ATF6: variants seen among roughly 807,000 people sequenced by gnomAD.
ATF6 encodes the protein cyclic AMP-dependent transcription factor ATF-6 alpha.
ATF6 carries 53 observed loss-of-function variants against 83.6 expected under a neutral mutation model. The ratio of observed to expected loss-of-function variants is 0.63; its 90% CI spans 0.51 to 0.80. The LOEUF (loss-of-function observed/expected upper bound fraction) is 0.80. Ranked by LOEUF, ATF6 falls within the 30% of genes least tolerant of loss-of-function variation. The probability of loss-of-function intolerance (pLI) is 0.00; values close to 1 mark genes in which losing one functional copy is unlikely to be tolerated. For missense variants in ATF6, 744 were observed against 797.9 expected, an observed-to-expected ratio of 0.93 and a Z score of 0.81; for synonymous variants, 288 against 285.8, an observed-to-expected ratio of 1.01 and a Z score of -0.08.
At chr1:161,775,259 T>A (rs144231479) in intron 1 of ATF6, among the ~76,000 whole-genome samples, 2 of 152,338 alleles carry the variant, frequency 1.3e-5, no homozygotes, top group Admixed American at 6.5e-5. Context: ...TTCACCACTG[T>A]AAAGCCACTG....
Position 161,832,946 on chromosome 1 carries a change from C to T in ATF6, c.1187+11785C>T, listed in dbSNP as rs540214628. On this transcript the variant is annotated intron_variant, in intron 9 of 15. Transcript: ENST00000367942. ...ATGCAGCTTGAGATCTGAGAACGGG[C>T]AGGCTGCCTCCTCAAGTGGGTCCCT... Among the ~76,000 whole-genome samples, 21 of 152,344 alleles carry T rather than the reference C, an allele frequency of 1.4e-4. 1 individual carries two copies. In the East Asian group the frequency reaches 4.1e-3, roughly 29 times the overall value.
intron 6 of ATF6, 129 bp from the exon 7 acceptor site, chr1:161,801,923 A>G: frequency 1.3e-6 from 1 of 758,858 alleles, no homozygotes; most frequent in Non-Finnish European, 2.2e-6. Context: ...CCAATGTTTT[A>G]ATTGATGGTG....
intron 14 of ATF6, among the ~76,000 whole-genome samples, chr1:161,887,724 G>A (rs1261902112): frequency 6.6e-6 from 1 of 152,102 alleles, no homozygotes; most frequent in African/African-American, 2.4e-5. Context: ...CCCCAGAATC[G>A]CTTCTTCACA....
At chr1:161,884,629 C>T (rs367975239) in intron 14 of ATF6, among the ~76,000 whole-genome samples, 17 of 152,130 alleles carry the variant, frequency 1.1e-4, no homozygotes, top group African/African-American at 3.9e-4. Flanking sequence ...ATAGCCATTA[C>T]GTTCCTGGCT....
At chr1:161,768,533 T>A (rs1684319164) in intron 1 of ATF6, among the ~76,000 whole-genome samples, 1 of 152,184 alleles carries the variant, frequency 6.6e-6, no homozygotes, top group South Asian at 2.1e-4. Flanking sequence ...GATGTTCAAG[T>A]ACTTCACTGA....
chr1:161,813,946 G>A (rs1438235965), intron 7 of ATF6, among the ~76,000 whole-genome samples: 3 of 150,650 alleles, frequency 2.0e-5, no homozygotes, highest in Admixed American at 6.6e-5. Context: ...GTGCAATGGT[G>A]TGATCTCGGC....
chr1:161,915,890 T>C (rs990178529), intron 15 of ATF6, among the ~76,000 whole-genome samples: 3 of 152,180 alleles, frequency 2.0e-5, no homozygotes, highest in African/African-American at 7.2e-5. Context: ...CCCAAAGTGC[T>C]AGGATTACAG....
At chr1:161,902,996 C>G (rs570780924) in intron 14 of ATF6, among the ~76,000 whole-genome samples, 2 of 152,200 alleles carry the variant, frequency 1.3e-5, no homozygotes, top group South Asian at 4.1e-4. Flanking sequence ...TCTTTATCTA[C>G]CTCTTTTCAT....
intron 14 of ATF6, among the ~76,000 whole-genome samples, chr1:161,894,687 C>A (rs1009304620): frequency 6.7e-6 from 1 of 148,196 alleles, no homozygotes; most frequent in Non-Finnish European, 1.5e-5. Flanking sequence ...AGGCGCCCAC[C>A]ACTAAGCCGG....
intron 14 of ATF6, among the ~76,000 whole-genome samples, chr1:161,894,227 G>GTTT (rs11304307): frequency 6.5e-5 from 8 of 124,020 alleles, no homozygotes; most frequent in East Asian, 2.1e-4. Flanking sequence ...TTGAGCAGGT[G>GTTT]TTTTTTTTTT....
chr1:161,837,438 A>G (rs750950111), intron 9 of ATF6, among the ~76,000 whole-genome samples: 1 of 152,220 alleles, frequency 6.6e-6, no homozygotes, highest in Non-Finnish European at 1.5e-5. Context: ...TGTTCTGAAC[A>G]TAAATTGGCC....
At chr1:161,848,161 C>T (rs190499440) in intron 10 of ATF6, among the ~76,000 whole-genome samples, 3 of 150,984 alleles carry the variant, frequency 2.0e-5, no homozygotes, top group Admixed American at 6.6e-5. Flanking sequence ...TTCTTGATTC[C>T]ATGCAAGTCC....
intron 9 of ATF6, among the ~76,000 whole-genome samples, chr1:161,845,532 C>T (rs932087466): frequency 6.6e-6 from 1 of 151,980 alleles, no homozygotes; most frequent in East Asian, 1.9e-4. Flanking sequence ...CTTTGGGAGG[C>T]CAAGGTGGGA....
intron 15 of ATF6, among the ~76,000 whole-genome samples, chr1:161,954,058 G>T: frequency 6.6e-6 from 1 of 152,232 alleles, no homozygotes; most frequent in Non-Finnish European, 1.5e-5. Flanking sequence ...AAAGGAGGGG[G>T]TTTGTTTGTT....
At chr1:161,867,353 A>G (rs1315275396) in intron 14 of ATF6, among the ~76,000 whole-genome samples, 1 of 152,182 alleles carries the variant, frequency 6.6e-6, no homozygotes, top group East Asian at 1.9e-4. Flanking sequence ...AGGTTGATTA[A>G]ATAATATAAC....
intron 14 of ATF6, among the ~76,000 whole-genome samples, chr1:161,864,948 A>G (rs1325450110): frequency 6.6e-6 from 1 of 152,216 alleles, no homozygotes; most frequent in Non-Finnish European, 1.5e-5. Context: ...GATTGTGTTG[A>G]AGTATATTTT....
Position 161,802,101 on chromosome 1 carries a change from T to C in ATF6, c.738T>C (p.Pro246=). The change falls in exon 7 of 16, where the codon CCT becomes CCC. Residue 246 remains proline, a synonymous_variant. Transcript: ENST00000367942. ...CTACTGTGGTACAACTTCAAGCACC[T>C]GGAGTTCTGCCCTCTGCTCAGCCAG... ...SQPTVVQLQA[P]GVLPSAQPVL... 6.2e-7 allele frequency: 1 copy of C among 1,614,132 alleles called. No homozygotes were observed. Among genetic ancestry groups the C allele is most frequent in the South Asian group, 1.1e-5 (1 of 91,086 alleles).
intron 1 of ATF6, among the ~76,000 whole-genome samples, chr1:161,772,727 C>T (rs865834799): frequency 6.6e-6 from 1 of 150,604 alleles, no homozygotes; most frequent in Non-Finnish European, 1.5e-5. Flanking sequence ...CCTAGAAGTA[C>T]TGTTTCTATA....
chr1:161,933,224 C>T (rs1307065901), intron 15 of ATF6, among the ~76,000 whole-genome samples: 1 of 152,160 alleles, frequency 6.6e-6, no homozygotes, highest in South Asian at 2.1e-4. Flanking sequence ...ATCCAAAAGT[C>T]ATGGTGTTTT....
Sources: allele counts gnomAD v4.1 joint callset (sites outside exome capture counted in the v4.1 genomes callset), GRCh38; gene constraint gnomAD v4.1.1; transcripts MANE v1.5; gene names NCBI Gene and HGNC (gene_info 2026-07-23, HGNC 2026-07-21).